The following OTULINL variants were observed in gnomAD, a reference collection of about 807,000 sequenced individuals.
OTULINL encodes OTU deubiquitinase with linear linkage specificity like, also known as inactive ubiquitin thioesterase OTULINL.
Under a neutral mutation model 43.9 loss-of-function variants are expected in OTULINL, and 42 were observed. That is an observed-to-expected ratio of 0.96 (90% CI 0.75 to 1.24). OTULINL has a LOEUF of 1.24. Among genes scored for constraint, OTULINL ranks in the 50% most tolerant of loss-of-function variants. OTULINL has a pLI of 0.00. For synonymous variants in OTULINL, 172 were observed against 153.6 expected (o/e 1.12, Z -0.88); for missense variants, 411 against 426.4 (o/e 0.96, Z 0.32).
intron 1 of OTULINL, among the ~76,000 whole-genome samples, chr5:14,585,901 A>C (rs1018684905): frequency 6.6e-6 from 1 of 152,200 alleles, no homozygotes; most frequent in South Asian, 2.1e-4. Context: ...ACCTTATTAC[A>C]TTTAAGCTGT....
At chr5:14,583,565 C>T (rs957269341) in intron 1 of OTULINL, among the ~76,000 whole-genome samples, 4 of 152,164 alleles carry the variant, frequency 2.6e-5, no homozygotes, top group African/African-American at 7.2e-5. Context: ...CCTTTCTTTG[C>T]ACCAAATTCA....
chr5:14,584,816 C>T (rs1759077265), intron 1 of OTULINL, among the ~76,000 whole-genome samples: 1 of 152,122 alleles, frequency 6.6e-6, no homozygotes, highest in African/African-American at 2.4e-5. Flanking sequence ...AATCCAAAGC[C>T]ATTCAAGTAG....
chr5:14,591,612 G>T (rs142393546), intron 1 of OTULINL, among the ~76,000 whole-genome samples: 1 of 152,312 alleles, frequency 6.6e-6, no homozygotes, highest in South Asian at 2.1e-4. Flanking sequence ...CCTCTCCACC[G>T]GGAAACTTGA....
At chr5:14,609,956 C>T (rs1759549879) in intron 7 of OTULINL, among the ~76,000 whole-genome samples, 185 bp from the exon 8 acceptor site, 1 of 152,188 alleles carries the variant, frequency 6.6e-6, no homozygotes, top group Non-Finnish European at 1.5e-5. Context: ...TGTTCCTATG[C>T]TCGTCCCCTT....
In OTULINL at chr5:14,611,665, C is replaced by T. The variant is rs1177767370; in HGVS notation, c.*1351C>T. On this transcript the variant is annotated 3_prime_UTR_variant, in exon 8 of 8. Coordinates refer to ENST00000274217, the MANE Select transcript of OTULINL (RefSeq NM_019018.3). The stretch of plus-strand genomic sequence containing the variant: ...TAGTATTCTCAGGCTAGTTTTTGGT[C>T]GTCTTTATTTTGGAAATACTTTTCT... 1 of 150,996 alleles carries T rather than the reference C, an allele frequency of 6.6e-6. No individual in the cohort carries two copies. Among genetic ancestry groups the T allele is most frequent in the South Asian group, 2.1e-4 (1 of 4,770 alleles). The allele number at this position is 150,996 out of a possible 1,614,324, so 9.4% of individuals were successfully genotyped here.
At chr5:14,582,814 CAAAA>C (rs57907300) in intron 1 of OTULINL, among the ~76,000 whole-genome samples, 736 of 55,030 alleles carry the variant, frequency 0.013, 3 homozygotes, top group African/African-American at 0.045. Flanking sequence ...TTGCTCTGTC[CAAAA>C]AAAAAAAAAA....
chr5:14,610,278 C>T lies in OTULINL; in HGVS notation c.1035C>T (p.Thr345=), dbSNP rs140756706. The part of the protein sequence containing the change: ...LRDWPEISLL[T]ENDRHYHIPV... ...ACTGGCCGGAGATCTCCCTGCTGAC[C>T]GAGAACGACCGCCACTACCACATTC... Residue 345 remains threonine (T), a synonymous_variant, in exon 8 of 8, where the codon ACC becomes ACT. Transcript: ENST00000274217. 33 of 1,612,392 alleles carry T rather than the reference C, an allele frequency of 2.0e-5. No individual in the cohort carries two copies. In the African/African-American group the frequency reaches 3.6e-4, roughly 18 times the overall value.
Position 14,597,726 on chromosome 5 carries a change from A to C in OTULINL, c.65-3239A>C, listed in dbSNP as rs563770711. Among the ~76,000 whole-genome samples, 3 of 152,312 alleles carry C rather than the reference A, an allele frequency of 2.0e-5. No homozygotes were observed. The East Asian group carries it at 5.8e-4, about 29-fold the overall frequency. ...TGGCCTGCTTCCATGTGACTTCACA[A>C]GTCCAACAGAGTACCCTTCCATCCA... On this transcript the variant is annotated intron_variant, in intron 1 of 7. Transcript: ENST00000274217.
At chr5:14,599,049 A>G (rs769369418) in intron 1 of OTULINL, among the ~76,000 whole-genome samples, 25 of 152,386 alleles carry the variant, frequency 1.6e-4, no homozygotes, top group Admixed American at 3.3e-4. Context: ...ATAGCATTAC[A>G]TTTTTAAGCT....
At chr5:14,603,951 C>G (rs1476945592) in intron 5 of OTULINL, among the ~76,000 whole-genome samples, 1 of 152,096 alleles carries the variant, frequency 6.6e-6, no homozygotes, top group South Asian at 2.1e-4. Context: ...AAACTTGTTT[C>G]TATTAGTTCC....
intron 1 of OTULINL, 120 bp downstream of exon 1, chr5:14,582,078 G>C (rs934037581): frequency 1.4e-6 from 1 of 735,550 alleles, no homozygotes. Flanking sequence ...GCCTGTTGGG[G>C]GCTGGGAATC....
rs571585990 is a variant in OTULINL at position 14,589,360 on chromosome 5, CAG to C, written c.64+7405_64+7406del. Among the ~76,000 whole-genome samples, 955 of 152,148 alleles carry C rather than the reference CAG, an allele frequency of 6.3e-3. 5 individuals carry two copies. The highest frequency in any genetic ancestry group is 0.021 in the African/African-American group (887 of 41,478). ...TGGTTAGAAGGAAGAATGTTTCAGACAGAGGGAAGAGTACAGGCAAAGCAAGG... is the reference window on the plus strand; with the variant it reads ...TGGTTAGAAGGAAGAATGTTTCAGACAGGGAAGAGTACAGGCAAAGCAAGG... On this transcript the variant is annotated intron_variant, in intron 1 of 7. Coordinates refer to ENST00000274217, the MANE Select transcript of OTULINL (RefSeq NM_019018.3).
At chr5:14,587,949 C>G (rs987075776) in intron 1 of OTULINL, among the ~76,000 whole-genome samples, 2 of 152,108 alleles carry the variant, frequency 1.3e-5, no homozygotes, top group Admixed American at 6.5e-5. Flanking sequence ...CATTTAGCAG[C>G]CTTTTTGAAG....
intron 1 of OTULINL, among the ~76,000 whole-genome samples, chr5:14,595,326 T>C (rs1311850318): frequency 6.6e-6 from 1 of 152,146 alleles, no homozygotes; most frequent in African/African-American, 2.4e-5. Flanking sequence ...ACTATGCAGC[T>C]GGCCCATGAG....
intron 1 of OTULINL, among the ~76,000 whole-genome samples, chr5:14,593,137 C>T (rs982968908): frequency 1.2e-4 from 18 of 151,948 alleles, no homozygotes; most frequent in Non-Finnish European, 1.5e-4. Flanking sequence ...GCCTGGCCTG[C>T]GGGAGGAGCT....
In OTULINL at chr5:14,584,820, C is replaced by G. The variant is rs3804209; in HGVS notation, c.64+2862C>G. 3.9e-5 allele frequency among the ~76,000 whole-genome samples: 6 copies of G among 152,294 alleles called. No individual in the cohort carries two copies. In the East Asian group the frequency reaches 1.2e-3, roughly 29 times the overall value. On this transcript the variant is annotated intron_variant, in intron 1 of 7. Coordinates refer to ENST00000274217, the MANE Select transcript of OTULINL (RefSeq NM_019018.3). ...TGGATTTTGTTAATCCAAAGCCATT[C>G]AAGTAGGCACAACTGTATGTATGAA... is the stretch of plus-strand genomic sequence containing the variant.
At position 14,614,180 on chromosome 5, in the gene OTULINL, T is replaced by G. The variant is rs1321124964; in HGVS notation, c.*3866T>G. The stretch of plus-strand genomic sequence containing the variant: ...TTTCACACTGCTTAATAAGACCAGT[T>G]AATGTGTAAAACAGAAAAAAGTATA... On this transcript the variant is annotated 3_prime_UTR_variant, in exon 8 of 8. Transcript: ENST00000274217. Among the ~76,000 whole-genome samples the G allele has an allele frequency of 7.7e-6, 1 of 129,494 alleles. No homozygotes were observed. The highest frequency in any genetic ancestry group is 1.6e-5 in the Non-Finnish European group (1 of 62,628). The allele number at this position is 129,494 out of a possible 152,430, so 85.0% of individuals were successfully genotyped here. A position where few individuals can be genotyped will look rare whatever the true frequency, so the allele number is the denominator to read the frequency against.
Position 14,614,516 on chromosome 5 carries a change from A to G in OTULINL, c.*4202A>G. On this transcript the variant is annotated 3_prime_UTR_variant, in exon 8 of 8. Coordinates refer to ENST00000274217, the MANE Select transcript of OTULINL (RefSeq NM_019018.3). ...CTTAATTCACTTCTGTTTTAATCCC[A>G]TCATATTCCTTTAGGCCAAGAAAAG... The G allele has an allele frequency of 5.0e-6, 2 of 398,260 alleles. No homozygotes were observed. Among genetic ancestry groups the G allele is most frequent in the Non-Finnish European group, 8.8e-6 (2 of 226,042 alleles). 24.7% of individuals were successfully genotyped at this position (398,260 alleles called of 1,614,324 possible). A position where few individuals can be genotyped will look rare whatever the true frequency, so the allele number is the denominator to read the frequency against.
intron 1 of OTULINL, among the ~76,000 whole-genome samples, chr5:14,591,702 G>A (rs889386561): frequency 5.9e-5 from 9 of 152,244 alleles, no homozygotes; most frequent in African/African-American, 2.2e-4. Context: ...AGGGCTTTAA[G>A]CTGACAGCAG....
Sources: allele counts gnomAD v4.1 joint callset (sites outside exome capture counted in the v4.1 genomes callset), GRCh38; gene constraint gnomAD v4.1.1; transcripts MANE v1.5; gene names NCBI Gene and HGNC (gene_info 2026-07-23, HGNC 2026-07-21).